ASB18: variants seen among roughly 807,000 people sequenced by gnomAD.
ASB18 encodes the protein ankyrin repeat and SOCS box protein 18.
A neutral mutation model predicts 33.4 loss-of-function variants in ASB18; 33 were observed. That is an observed-to-expected ratio of 0.99 (90% confidence interval 0.75 to 1.32). The LOEUF (loss-of-function observed/expected upper bound fraction) is 1.32, where lower values mean the gene tolerates loss of function less well. Ranked by LOEUF, ASB18 falls within the 40% of genes most tolerant of loss-of-function variation. The pLI, the probability that ASB18 is intolerant of heterozygous loss-of-function variation, is 0.00. For synonymous variants in ASB18, 295 were observed against 307.6 expected, an observed-to-expected ratio of 0.96 and a Z score of 0.43; for missense variants, 694 against 655.5, an observed-to-expected ratio of 1.06 and a Z score of -0.64.
rs574330712 is a variant in ASB18 at position 236,194,801 on chromosome 2, A to C, written c.*71T>G. The C allele has an allele frequency of 3.7e-6, 5 of 1,358,026 alleles. No individual in the cohort carries two copies. The East Asian group carries it at 1.2e-4, about 34-fold the overall frequency. The allele number at this position is 1,358,026 out of a possible 1,614,324, so 84.1% of individuals were successfully genotyped here. ...CCATCACCTCCATCTGCATCAGGGC[A>C]CTCTCCAACACACGGCCTCCATGGA... On this transcript the variant is annotated 3_prime_UTR_variant, in exon 6 of 6. Coordinates refer to ENST00000409749, the MANE Select transcript of ASB18 (RefSeq NM_212556.4). This position sits in a 1 kb window ranked among gnomAD's most constrained non-coding sequence, Gnocchi z 4.5.
In ASB18 at chr2:236,257,468, G is replaced by T; in HGVS notation, c.205+6673C>A. ...CCCACTTACTTGCCCATGATTTTTT[G>T]GGATTATTTTTGCTCAATGATTTGA... On this transcript the variant is annotated intron_variant, in intron 1 of 5. Transcript: ENST00000409749. The surrounding 1 kb of genome is among the most constrained non-coding windows in gnomAD (Gnocchi z 5.5). 6.6e-6 allele frequency among the ~76,000 whole-genome samples: 1 copy of T among 151,998 alleles called. No homozygotes were observed. The highest frequency in any genetic ancestry group is 1.9e-4 in the East Asian group (1 of 5,196).
At chr2:236,202,792 A>ATAT (rs1443591751) in intron 4 of ASB18, among the ~76,000 whole-genome samples, 52 of 114,116 alleles carry the variant, frequency 4.6e-4, no homozygotes, top group African/African-American at 1.4e-3. Context: ...AAAAAAAAAA[A>ATAT]AAATATATAT....
chr2:236,254,673 C>A (rs939341318), intron 1 of ASB18, among the ~76,000 whole-genome samples: 2 of 151,798 alleles, frequency 1.3e-5, no homozygotes, highest in Admixed American at 1.3e-4. Context: ...AAATATTTTT[C>A]TATTGATGTT....
chr2:236,217,740 T>A lies in ASB18; in HGVS notation c.597-2874A>T, dbSNP rs2060494329. On this transcript the variant is annotated intron_variant, in intron 3 of 5. Transcript: ENST00000409749. This position sits in a 1 kb window ranked among gnomAD's most constrained non-coding sequence, Gnocchi z 5.2. ...CCCTTTGGATTGTCTCGTTTCTACATCAGCAGTGTCTTGAGAAGTGGTCTG... is the reference window on the plus strand; with the variant it reads ...CCCTTTGGATTGTCTCGTTTCTACAACAGCAGTGTCTTGAGAAGTGGTCTG... 6.6e-6 allele frequency among the ~76,000 whole-genome samples: 1 copy of A among 152,210 alleles called. No homozygotes were observed. Among genetic ancestry groups the A allele is most frequent in the Admixed American group, 6.5e-5 (1 of 15,290 alleles).
Position 236,214,394 on chromosome 2 carries a change from A to G in ASB18, c.1069T>C (p.Ser357Pro), listed in dbSNP as rs1428040507. The G allele has an allele frequency of 1.9e-6, 3 of 1,576,502 alleles. No individual in the cohort carries two copies. Among genetic ancestry groups the G allele is most frequent in the Non-Finnish European group, 8.6e-7 (1 of 1,166,632 alleles). ...RTVQALLNHG[S>P]PTVWPDAFPK... is the part of the protein sequence containing the mutation. ...AAGGCGTCGGGCCACACGGTGGGAG[A>G]GCCGTGGTTGAGCAGCGCCTGCACC... Residue 357 changes from serine (S) to proline (P), a missense_variant, in exon 4 of 6, where the codon TCT (serine) becomes CCT (proline). Transcript: ENST00000409749. The surrounding 1 kb of genome is among the most constrained non-coding windows in gnomAD (Gnocchi z 6.5).
At chr2:236,236,382 G>C (rs748578775) in intron 3 of ASB18, among the ~76,000 whole-genome samples, 2 of 152,206 alleles carry the variant, frequency 1.3e-5, no homozygotes, top group Non-Finnish European at 2.9e-5. Context: ...AAAGGGGCCA[G>C]TGGGAGGGAG....
rs776558530 is a variant in ASB18 at position 236,263,009 on chromosome 2, C to CACGTGTGCATGTGATGCATGTACTT, written c.205+1107_205+1131dup. Among the ~76,000 whole-genome samples the CACGTGTGCATGTGATGCATGTACTT allele has an allele frequency of 1.2e-4, 19 of 152,184 alleles. No individual in the cohort carries two copies. The highest frequency in any genetic ancestry group is 2.8e-4 in the Non-Finnish European group (19 of 68,036). On this transcript the variant is annotated intron_variant, in intron 1 of 5. Coordinates refer to ENST00000409749, the MANE Select transcript of ASB18 (RefSeq NM_212556.4). The surrounding 1 kb of genome is among the most constrained non-coding windows in gnomAD (Gnocchi z 4.0). ...CTGTGTTCCTCCTGCATGTTGCGCA[C>CACGTGTGCATGTGATGCATGTACTT]ACGTGTGCATGTGATGCATGTACTT...
chr2:236,207,013 G>A (rs1190675169), intron 4 of ASB18, among the ~76,000 whole-genome samples: 1 of 152,214 alleles, frequency 6.6e-6, no homozygotes, highest in East Asian at 1.9e-4. Flanking sequence ...ACACAAGACA[G>A]AGACAAAAGA....
chr2:236,236,780 T>G (rs2060591473), intron 3 of ASB18, among the ~76,000 whole-genome samples: 1 of 123,112 alleles, frequency 8.1e-6, no homozygotes, highest in Admixed American at 7.5e-5. Context: ...GCGATGCGGT[T>G]TCTGAGAGAG....
Position 236,214,717 on chromosome 2 carries a change from T to A in ASB18, c.746A>T (p.Asn249Ile). 1.7e-6 allele frequency: 2 copies of A among 1,156,300 alleles called. No homozygotes were observed. The highest frequency in any genetic ancestry group is 1.1e-6 in the Non-Finnish European group (1 of 940,490). The allele number at this position is 1,156,300 out of a possible 1,614,324, so 71.6% of individuals were successfully genotyped here. A position where few individuals can be genotyped will look rare whatever the true frequency, so the allele number is the denominator to read the frequency against. The change falls in exon 4 of 6, where the codon AAC becomes ATC. Residue 249 changes from asparagine to isoleucine, a missense_variant. Asn to Ile is a moderately radical substitution (Grantham distance 149). Transcript: ENST00000409749. This position sits in a 1 kb window ranked among gnomAD's most constrained non-coding sequence, Gnocchi z 6.5. ...GCTCAGAGCCGTCTCTCCGCGGCCG[T>A]TCCTCGCGTCCACGTGCGCCCCGCG... Reference protein sequence around the residue: ...LGRGAHVDARNGRGETALSAA... With the variant: ...LGRGAHVDARIGRGETALSAA...
chr2:236,239,830 C>T lies in ASB18; in HGVS notation c.328+1450G>A, dbSNP rs966642529. On this transcript the variant is annotated intron_variant, in intron 2 of 5. Coordinates refer to ENST00000409749, the MANE Select transcript of ASB18 (RefSeq NM_212556.4). This position sits in a 1 kb window ranked among gnomAD's most constrained non-coding sequence, Gnocchi z 5.6. ...AAACAGGGTCTGGTCGTTTCTGCTG[C>T]TGGATCTGCTGCAGGGCAGTCAGGT... 2.6e-5 allele frequency among the ~76,000 whole-genome samples: 4 copies of T among 152,238 alleles called. No homozygotes were observed. The highest frequency in any genetic ancestry group is 9.6e-5 in the African/African-American group (4 of 41,464).
rs766976276 is a variant in ASB18 at position 236,264,282 on chromosome 2, A to G, written c.64T>C (p.Ser22Pro). The change falls in exon 1 of 6, where the codon TCT (serine) becomes CCT (proline). Residue 22 changes from serine to proline, a missense_variant. Physicochemically the swap from Ser to Pro is moderately conservative, Grantham distance 74. Transcript: ENST00000409749. This position sits in a 1 kb window ranked among gnomAD's most constrained non-coding sequence, Gnocchi z 5.1. ...TCCTCATCTTTGGCATCCAGGGCAG[A>G]CTTTAATCTCTTCACTAAATCTGAG... ...LNSDLVKRLK[S>P]ALDAKDEERV... The G allele has an allele frequency of 3.1e-6, 5 of 1,613,998 alleles. No homozygotes were observed. In the East Asian group the frequency reaches 8.9e-5, roughly 29 times the overall value.
In ASB18 at chr2:236,215,026, A is replaced by G. The variant is rs577266184; in HGVS notation, c.597-160T>C. ...AGGAGTTCAAACTAAACTGGAAAAA[A>G]AAAAAAAAAAAAAGAGATTATGGCA... is the stretch of plus-strand genomic sequence containing the variant. On this transcript the variant is annotated intron_variant, in intron 3 of 5. Transcript: ENST00000409749. The surrounding 1 kb of genome is among the most constrained non-coding windows in gnomAD (Gnocchi z 7.2). 3.3e-5 allele frequency among the ~76,000 whole-genome samples: 5 copies of G among 151,374 alleles called. No homozygotes were observed. The highest frequency in any genetic ancestry group is 3.3e-4 in the Admixed American group (5 of 15,252).
chr2:236,260,980 G>A lies in ASB18; in HGVS notation c.205+3161C>T, dbSNP rs1378596495. On this transcript the variant is annotated intron_variant, in intron 1 of 5. Coordinates refer to ENST00000409749, the MANE Select transcript of ASB18 (RefSeq NM_212556.4). The surrounding 1 kb of genome is among the most constrained non-coding windows in gnomAD (Gnocchi z 5.1). ...GTTAATAAATGGAGACGTTGGTCTC[G>A]AGACAGACAGTGAGTTTCCTGAGGT... Among the ~76,000 whole-genome samples, 1 of 152,148 alleles carries A rather than the reference G, an allele frequency of 6.6e-6. No individual in the cohort carries two copies. Among genetic ancestry groups the A allele is most frequent in the Non-Finnish European group, 1.5e-5 (1 of 68,028 alleles).
chr2:236,237,794 T>C lies in ASB18; in HGVS notation c.491A>G (p.His164Arg). The change falls in exon 3 of 6, where the codon CAC (histidine) becomes CGC (arginine). Residue 164 changes from histidine to arginine, a missense_variant. His to Arg is a conservative substitution (Grantham distance 29). Transcript: ENST00000409749. The surrounding 1 kb of genome is among the most constrained non-coding windows in gnomAD (Gnocchi z 6.2). ...GALHEACLGGHTACVRLLLQH... is the reference protein window; with the variant it reads ...GALHEACLGGRTACVRLLLQH... ...CAGCAGCAGGCGGACGCAGGCGGTG[T>C]GGCCCCCGAGGCAGGCCTCGTGCAG... 7.0e-7 allele frequency: 1 copy of C among 1,437,254 alleles called. No individual in the cohort carries two copies. 89.0% of individuals were successfully genotyped at this position (1,437,254 alleles called of 1,614,324 possible). A position where few individuals can be genotyped will look rare whatever the true frequency, so the allele number is the denominator to read the frequency against.
chr2:236,206,218 GT>G (rs1325565553), intron 4 of ASB18, among the ~76,000 whole-genome samples: 1 of 148,704 alleles, frequency 6.7e-6, no homozygotes. Context: ...CTTAAGAATA[GT>G]TTTTGTCATT....
rs542667880 is a variant in ASB18 at position 236,208,359 on chromosome 2, C to T, written c.1101+6003G>A. ...CACGGCAGTCTCTGATTTCAATCAT[C>T]CCCTTCTGTGTTGGGAAAAAAATCA... On this transcript the variant is annotated intron_variant, in intron 4 of 5. Transcript: ENST00000409749. The surrounding 1 kb of genome is among the most constrained non-coding windows in gnomAD (Gnocchi z 7.7). Among the ~76,000 whole-genome samples the T allele has an allele frequency of 6.6e-6, 1 of 152,274 alleles. No individual in the cohort carries two copies. The highest frequency in any genetic ancestry group is 1.9e-4 in the East Asian group (1 of 5,176).
rs1021232028 is a variant in ASB18 at position 236,235,464 on chromosome 2, C to T, written c.596+2225G>A. ...CTGAGAATGTATCCCCATCGTTAAG[C>T]GACAAATGACTGTATGTGGATGGCA... On this transcript the variant is annotated intron_variant, in intron 3 of 5. Transcript: ENST00000409749. The surrounding 1 kb of genome is among the most constrained non-coding windows in gnomAD (Gnocchi z 6.2). 5.9e-5 allele frequency among the ~76,000 whole-genome samples: 9 copies of T among 152,146 alleles called. No homozygotes were observed. Among genetic ancestry groups the T allele is most frequent in the East Asian group, 1.9e-4 (1 of 5,196 alleles).
In ASB18 at chr2:236,214,518, G is replaced by A. The variant is rs1057037261; in HGVS notation, c.945C>T (p.His315=). The A allele has an allele frequency of 4.1e-6, 6 of 1,460,286 alleles. No individual in the cohort carries two copies. The African/African-American group carries it at 6.0e-5, about 15-fold the overall frequency. The allele number at this position is 1,460,286 out of a possible 1,614,324, so 90.5% of individuals were successfully genotyped here. A position where few individuals can be genotyped will look rare whatever the true frequency, so the allele number is the denominator to read the frequency against. The change falls in exon 4 of 6, where the codon CAC becomes CAT. Residue 315 remains histidine (H), a synonymous_variant. Transcript: ENST00000409749. This position sits in a 1 kb window ranked among gnomAD's most constrained non-coding sequence, Gnocchi z 6.5. ...SHSLARLLLR[H]GADAGALDYG... ...AGTCGAGCGCGCCCGCGTCGGCGCCGTGCCGCAGTAGGAGGCGCGCCAGGC... is the reference window on the plus strand; with the variant it reads ...AGTCGAGCGCGCCCGCGTCGGCGCCATGCCGCAGTAGGAGGCGCGCCAGGC...
Sources: allele counts gnomAD v4.1 joint callset (sites outside exome capture counted in the v4.1 genomes callset), GRCh38; gene constraint gnomAD v4.1.1; non-coding constraint Gnocchi (gnomAD v3.1); transcripts MANE v1.5; gene names NCBI Gene and HGNC (gene_info 2026-07-23, HGNC 2026-07-21).